CTNNA2: variants seen among roughly 807,000 people sequenced by gnomAD.
CTNNA2 encodes catenin alpha-2.
In CTNNA2, 42 loss-of-function variants were observed where a neutral mutation model predicts 101.0. That is an observed-to-expected ratio of 0.42 (90% CI 0.32 to 0.54). The LOEUF is 0.54. CTNNA2 is among the 20% of genes least tolerant of loss of function. The pLI, the probability that CTNNA2 is intolerant of heterozygous loss-of-function variation, is 0.14. For synonymous variants in CTNNA2, 450 were observed against 456.4 expected, an observed-to-expected ratio of 0.99 and a Z score of 0.18; for missense variants, 871 against 1,223.1, an observed-to-expected ratio of 0.71 and a Z score of 4.29.
intron 4 of CTNNA2, among the ~76,000 whole-genome samples, chr2:79,435,541 C>G (rs1474724394): frequency 6.6e-6 from 1 of 152,210 alleles, no homozygotes; most frequent in Non-Finnish European, 1.5e-5. Flanking sequence ...AAAAGGTACT[C>G]TAACTTATTC....
At chr2:80,149,909 A>C (rs2148925994) in intron 7 of CTNNA2, among the ~76,000 whole-genome samples, 1 of 152,294 alleles carries the variant, frequency 6.6e-6, no homozygotes, top group African/African-American at 2.4e-5. Flanking sequence ...TTGTTTAAAC[A>C]CAAAAAACAC....
In CTNNA2 at chr2:80,648,753, A is replaced by C. The variant is rs545802944; in HGVS notation, c.*881A>C. ...TAATATACCATTGTATTCACTAACT[A>C]ACTCAAAATAAACACATTTAATCTT... On this transcript the variant is annotated 3_prime_UTR_variant, in exon 19 of 19. Transcript: ENST00000402739. 2 of 152,260 alleles carry C rather than the reference A, an allele frequency of 1.3e-5. No individual in the cohort carries two copies. Among genetic ancestry groups the C allele is most frequent in the South Asian group, 2.1e-4 (1 of 4,814 alleles). 9.4% of individuals were successfully genotyped at this position (152,260 alleles called of 1,614,324 possible).
chr2:79,450,109 A>T (rs1214331513), intron 4 of CTNNA2, among the ~76,000 whole-genome samples: 1 of 151,952 alleles, frequency 6.6e-6, no homozygotes, highest in Non-Finnish European at 1.5e-5. Context: ...AGGTCTCAGA[A>T]ATACGTGACA....
chr2:80,028,087 G>A (rs1248197582), intron 7 of CTNNA2: 1 of 150,470 alleles, frequency 6.6e-6, no homozygotes, highest in African/African-American at 2.4e-5. Context: ...TGGCTTTTTC[G>A]AAACACAAGA....
At chr2:80,218,517 A>G (rs920984371) in intron 7 of CTNNA2, among the ~76,000 whole-genome samples, 1 of 152,266 alleles carries the variant, frequency 6.6e-6, no homozygotes, top group African/African-American at 2.4e-5. Flanking sequence ...AAAGTAGTTA[A>G]GAGCAAGGGC....
At chr2:79,922,907 G>T (rs1289957295) in intron 7 of CTNNA2, among the ~76,000 whole-genome samples, 2 of 151,996 alleles carry the variant, frequency 1.3e-5, no homozygotes, top group Non-Finnish European at 2.9e-5. Context: ...GACAACATTG[G>T]ATTTTCGGTA....
At chr2:80,406,826 CAAA>C (rs56793591) in intron 8 of CTNNA2, among the ~76,000 whole-genome samples, 10 of 63,996 alleles carry the variant, frequency 1.6e-4, no homozygotes, top group Non-Finnish European at 1.8e-4. Flanking sequence ...GACTCCATCT[CAAA>C]AAAAAAAAAA....
At chr2:80,132,088 C>T (rs115865682) in intron 7 of CTNNA2, among the ~76,000 whole-genome samples, 5,392 of 152,008 alleles carry the variant, frequency 0.035, 282 homozygotes, top group African/African-American at 0.12. Flanking sequence ...TCTCAAAAAA[C>T]ATGTATATAT....
chr2:79,998,659 C>T (rs1692719553), intron 7 of CTNNA2, among the ~76,000 whole-genome samples: 1 of 152,142 alleles, frequency 6.6e-6, no homozygotes, highest in Non-Finnish European at 1.5e-5. Context: ...ATAGCCATTG[C>T]ACTTTTGTGG....
At chr2:80,158,566 C>T (rs1178311707) in intron 7 of CTNNA2, among the ~76,000 whole-genome samples, 3 of 152,176 alleles carry the variant, frequency 2.0e-5, no homozygotes, top group African/African-American at 7.2e-5. Context: ...CCTCCTTAAC[C>T]CTTAACAACC....
chr2:80,045,927 T>A (rs964731846), intron 7 of CTNNA2, among the ~76,000 whole-genome samples: 2 of 152,132 alleles, frequency 1.3e-5, no homozygotes, highest in Non-Finnish European at 1.5e-5. Context: ...GCGGGTTTGA[T>A]TGCCAGTTGT....
chr2:79,664,048 A>G (rs1682224840), intron 2 of CTNNA2, among the ~76,000 whole-genome samples: 1 of 152,234 alleles, frequency 6.6e-6, no homozygotes, highest in African/African-American at 2.4e-5. Context: ...TATATTTATT[A>G]GCTTTTAAAA....
chr2:79,493,356 G>T (rs1671223189), intron 4 of CTNNA2, among the ~76,000 whole-genome samples: 1 of 152,154 alleles, frequency 6.6e-6, no homozygotes, highest in African/African-American at 2.4e-5. Context: ...GGCCGACTGT[G>T]CCTGTAATCC....
intron 7 of CTNNA2, among the ~76,000 whole-genome samples, chr2:80,311,054 C>T (rs1677528302): frequency 6.6e-6 from 1 of 151,430 alleles, no homozygotes; most frequent in Non-Finnish European, 1.5e-5. Flanking sequence ...AAAATTCAAT[C>T]ACCAGAGATG....
intron 7 of CTNNA2, among the ~76,000 whole-genome samples, chr2:80,277,945 G>T (rs1311399192): frequency 6.6e-6 from 1 of 151,938 alleles, no homozygotes; most frequent in African/African-American, 2.4e-5. Flanking sequence ...CCTAATTCTT[G>T]CCCCCATCCT....
intron 9 of CTNNA2, among the ~76,000 whole-genome samples, chr2:80,544,412 C>T (rs147297552): frequency 1.1e-4 from 17 of 151,936 alleles, no homozygotes; most frequent in South Asian, 2.1e-4. Context: ...CTATATATTC[C>T]GCCATTGTGT....
At chr2:79,873,951 C>T (rs940465238) in intron 5 of CTNNA2, 125 bp from the exon 6 acceptor site, 6 of 1,419,788 alleles carry the variant, frequency 4.2e-6, no homozygotes, top group African/African-American at 2.9e-5. Flanking sequence ...GGCCTGGCAG[C>T]TAGAAACAGC....
chr2:79,814,371 T>TA (rs1677297795), intron 3 of CTNNA2, among the ~76,000 whole-genome samples: 3 of 152,150 alleles, frequency 2.0e-5, no homozygotes, highest in African/African-American at 2.4e-5. Context: ...ACCGTATTTG[T>TA]AGTCTTTTAT....
rs141266612 is a variant in CTNNA2 at position 80,096,468 on chromosome 2, A to T, written c.1056+186671A>T. Among the ~76,000 whole-genome samples the T allele has an allele frequency of 3.1e-3, 469 of 152,320 alleles. 3 individuals are homozygous for T. Among genetic ancestry groups the T allele is most frequent in the African/African-American group, 0.011 (447 of 41,570 alleles). On this transcript the variant is annotated intron_variant, in intron 7 of 18. Transcript: ENST00000402739. ...ATAGGTGCGGTGTGGTGCTGAAAAG[A>T]ATATATATTCTGTTGATTTGAAGTG... is the stretch of plus-strand genomic sequence containing the variant.
Sources: allele counts gnomAD v4.1 joint callset (sites outside exome capture counted in the v4.1 genomes callset), GRCh38; gene constraint gnomAD v4.1.1; transcripts MANE v1.5; gene names NCBI Gene and HGNC (gene_info 2026-07-23, HGNC 2026-07-21).